The following EFCAB6 variants were observed in gnomAD, a reference collection of about 807,000 sequenced individuals.
EFCAB6 encodes EF-hand calcium-binding domain-containing protein 6.
EFCAB6 carries 156 observed loss-of-function variants against 169.8 expected under a neutral mutation model. The ratio of observed to expected loss-of-function variants is 0.92; its 90% CI spans 0.81 to 1.05. EFCAB6 has a LOEUF of 1.05. Among genes scored for constraint, EFCAB6 ranks in the 50% least tolerant of loss-of-function variants. The pLI is 0.00. For missense variants in EFCAB6, 1,800 were observed against 1,829.1 expected (o/e 0.98, Z 0.29); for synonymous variants, 698 against 676.4 (o/e 1.03, Z -0.50).
intron 30 of EFCAB6, among the ~76,000 whole-genome samples, chr22:43,533,217 G>A (rs78708166): frequency 0.05 from 7,609 of 152,238 alleles, 260 homozygotes; most frequent in Admixed American, 0.089. Context: ...TGTAGTTTCC[G>A]CCAAAAATGA....
rs869132230 is a variant in EFCAB6, at chr22:43,770,937, A to G, written c.351+1955T>C. 7.3e-4 allele frequency among the ~76,000 whole-genome samples: 111 copies of G among 151,446 alleles called. 1 individual carries two copies. The East Asian group carries it at 9.7e-3, about 13-fold the overall frequency. On this transcript the variant is annotated intron_variant, in intron 4 of 31. Coordinates refer to ENST00000262726, the MANE Select transcript of EFCAB6 (RefSeq NM_022785.4). ...TTTTAATTTTAAGTCAGAAAAAAAA[A>G]AGAGAGAGAGAGAGAGTCAGTCCTT... is the stretch of plus-strand genomic sequence containing the variant.
chr22:43,698,716 C>T (rs1267920481), intron 10 of EFCAB6, among the ~76,000 whole-genome samples: 1 of 152,112 alleles, frequency 6.6e-6, no homozygotes. Context: ...TAAAGAGAAC[C>T]CCAAGGACTG....
At chr22:43,689,176 G>A (rs1029420998) in intron 10 of EFCAB6, among the ~76,000 whole-genome samples, 2 of 152,010 alleles carry the variant, frequency 1.3e-5, no homozygotes, top group Non-Finnish European at 2.9e-5. Flanking sequence ...TGAGAGATGA[G>A]CTGGCTAGCC....
chr22:43,599,432 C>A (rs1347312758), intron 23 of EFCAB6, among the ~76,000 whole-genome samples: 2 of 141,154 alleles, frequency 1.4e-5, no homozygotes, highest in South Asian at 4.7e-4. Flanking sequence ...ATCGCTTGAA[C>A]CCGGGAGGTG....
chr22:43,712,035 T>C (rs1370978588), intron 9 of EFCAB6, among the ~76,000 whole-genome samples: 1 of 152,150 alleles, frequency 6.6e-6, no homozygotes, highest in Non-Finnish European at 1.5e-5. Context: ...TTATTAAAAA[T>C]AGAAGTAGCT....
chr22:43,537,241 A>G lies in EFCAB6; in HGVS notation c.4048+136T>C. The G allele has an allele frequency of 9.0e-7, 1 of 1,114,926 alleles. No individual in the cohort carries two copies. Among genetic ancestry groups the G allele is most frequent in the Non-Finnish European group, 1.3e-6 (1 of 773,486 alleles). The allele number at this position is 1,114,926 out of a possible 1,614,324, so 69.1% of individuals were successfully genotyped here. A position where few individuals can be genotyped will look rare whatever the true frequency, so the allele number is the denominator to read the frequency against. ...CTTTGTATAGTAAGCTGCACAGCCC[A>G]CCCAGAAGTTCCCACCAGTTTCCTG... On this transcript the variant is annotated intron_variant, in intron 29 of 31. Coordinates refer to ENST00000262726, the MANE Select transcript of EFCAB6 (RefSeq NM_022785.4). The surrounding 1 kb of genome is among the most constrained non-coding windows in gnomAD (Gnocchi z 4.3).
At chr22:43,658,300 T>TA (rs1472426310) in intron 17 of EFCAB6, among the ~76,000 whole-genome samples, 1 of 150,782 alleles carries the variant, frequency 6.6e-6, no homozygotes, top group East Asian at 1.9e-4. Context: ...CTAAAGGGAG[T>TA]AAAACTGCAA....
chr22:43,662,733 C>A (rs759763111), intron 17 of EFCAB6, among the ~76,000 whole-genome samples: 1 of 152,222 alleles, frequency 6.6e-6, no homozygotes, highest in Non-Finnish European at 1.5e-5. Context: ...TTGAAACACA[C>A]GGCCATCAAT....
chr22:43,682,118 C>T (rs1394766618), intron 12 of EFCAB6, among the ~76,000 whole-genome samples: 1 of 152,146 alleles, frequency 6.6e-6, no homozygotes, highest in Non-Finnish European at 1.5e-5. Flanking sequence ...TCCTTCTTAC[C>T]TAGTCCCCTC....
At chr22:43,756,973 G>A (rs1351383832) in intron 5 of EFCAB6, among the ~76,000 whole-genome samples, 5 of 152,168 alleles carry the variant, frequency 3.3e-5, no homozygotes, top group Admixed American at 3.3e-4. Flanking sequence ...ATGAGAAGGT[G>A]TGCAGGCTAT....
chr22:43,720,435 C>T (rs540727220), intron 8 of EFCAB6, among the ~76,000 whole-genome samples: 6 of 152,086 alleles, frequency 3.9e-5, no homozygotes, highest in Non-Finnish European at 7.4e-5. Context: ...CTGCTTGAGC[C>T]CAGGAGTTCA....
At chr22:43,539,151 C>T (rs1319557330) in intron 28 of EFCAB6, among the ~76,000 whole-genome samples, 1 of 148,374 alleles carries the variant, frequency 6.7e-6, no homozygotes, top group Non-Finnish European at 1.5e-5. Context: ...GGATACTCTC[C>T]CCAAAGCCAG....
At chr22:43,613,377 T>C (rs1406763536) in intron 21 of EFCAB6, among the ~76,000 whole-genome samples, 1 of 151,988 alleles carries the variant, frequency 6.6e-6, no homozygotes, top group Non-Finnish European at 1.5e-5. Context: ...CCATGAACGG[T>C]AGACTGGATA....
intron 18 of EFCAB6, among the ~76,000 whole-genome samples, chr22:43,634,643 C>T (rs1178691693): frequency 7.3e-6 from 1 of 137,690 alleles, no homozygotes; most frequent in East Asian, 2.1e-4. Flanking sequence ...GGACACTGCA[C>T]AAAGATGGGT....
chr22:43,661,885 G>A (rs896304262), intron 17 of EFCAB6, among the ~76,000 whole-genome samples: 1 of 152,200 alleles, frequency 6.6e-6, no homozygotes, highest in South Asian at 2.1e-4. Context: ...GGGAGGCCGA[G>A]GCGGGTGGAT....
chr22:43,772,958 C>G lies in EFCAB6; in HGVS notation c.285G>C (p.Leu95=). The stretch of plus-strand genomic sequence containing the variant: ...TCAGGAAGTCTGTGATGATTCTTCT[C>G]AGTTCACTTTTTGACACAGTCAAGT... ...GQNLTVSKSE[L]RRIITDFLMP... is the part of the protein sequence containing the mutation. The change falls in exon 4 of 32, where the codon CTG becomes CTC. Residue 95 remains leucine (L), a synonymous_variant. Coordinates refer to ENST00000262726, the MANE Select transcript of EFCAB6 (RefSeq NM_022785.4). 1 of 1,614,204 alleles carries G rather than the reference C, an allele frequency of 6.2e-7. No homozygotes were observed. The highest frequency in any genetic ancestry group is 8.5e-7 in the Non-Finnish European group (1 of 1,180,042).
rs113755588 is a variant in EFCAB6, at chr22:43,784,488, C to CA, written c.-7-2164dup. 3.9e-3 allele frequency among the ~76,000 whole-genome samples: 250 copies of CA among 63,690 alleles called. 10 individuals carry two copies. Among genetic ancestry groups the CA allele is most frequent in the South Asian group, 6.9e-3 (12 of 1,750 alleles). The allele number at this position is 63,690 out of a possible 152,430, so 41.8% of individuals were successfully genotyped here. A position where few individuals can be genotyped will look rare whatever the true frequency, so the allele number is the denominator to read the frequency against. On this transcript the variant is annotated intron_variant, in intron 2 of 31. Transcript: ENST00000262726. ...CAACAGAGCAAGGCCCTGTCTCTAC[C>CA]AAAAAAAAAAAAAAATATATATATG... is the stretch of plus-strand genomic sequence containing the variant.
At chr22:43,626,846 C>A (rs536823437) in intron 19 of EFCAB6, among the ~76,000 whole-genome samples, 167 bp from the exon 20 acceptor site, 1 of 152,274 alleles carries the variant, frequency 6.6e-6, no homozygotes, top group African/African-American at 2.4e-5. Context: ...CCTTGCCATG[C>A]TTTGCTTTTC....
At chr22:43,708,267 A>G (rs1009708841) in intron 10 of EFCAB6, among the ~76,000 whole-genome samples, 4 of 152,020 alleles carry the variant, frequency 2.6e-5, no homozygotes, top group African/African-American at 9.7e-5. Flanking sequence ...TTAGCTGGGC[A>G]TGGTGGCGCA....
Sources: gnomAD v4.1 joint callset for allele counts (sites outside exome capture counted in the v4.1 genomes callset) on GRCh38, gnomAD v4.1.1 for gene constraint, Gnocchi (gnomAD v3.1) non-coding constraint, MANE v1.5 for transcripts, NCBI Gene and HGNC (gene_info 2026-07-23, HGNC 2026-07-21) for gene names.